The following EDA variants were observed in gnomAD, a reference collection of about 807,000 sequenced individuals.
EDA encodes the protein ectodysplasin A, also known as ectodysplasin-A.
In EDA, 2 loss-of-function variants were observed where a neutral mutation model predicts 23.6. The ratio of observed to expected loss-of-function variants is 0.08; its 90% CI spans 0.03 to 0.27. The LOEUF is 0.27. Among genes scored for constraint, EDA ranks in the 10% least tolerant of loss-of-function variants. EDA has a pLI of 1.00. For synonymous variants in EDA, 131 were observed against 132.0 expected, an observed-to-expected ratio of 0.99 and a Z score of 0.05; for missense variants, 229 against 324.2, an observed-to-expected ratio of 0.71 and a Z score of 2.26.
intron 1 of EDA, among the ~76,000 whole-genome samples, chrX:69,754,839 T>G (rs757189153): frequency 8.9e-6 from 1 of 112,285 alleles, no homozygotes; most frequent in South Asian, 3.7e-4. Flanking sequence ...TTCCATTTGA[T>G]CAAATCAGCT....
chrX:70,032,035 G>T (rs2020206288), intron 6 of EDA, among the ~76,000 whole-genome samples: 1 of 111,065 alleles, frequency 9.0e-6, no homozygotes, highest in South Asian at 3.8e-4. Context: ...GAGGCTGGCG[G>T]ATCACATGAG....
At chrX:69,802,134 A>T (rs982323160) in intron 1 of EDA, among the ~76,000 whole-genome samples, 2 of 110,841 alleles carry the variant, frequency 1.8e-5, no homozygotes, top group Non-Finnish European at 3.8e-5. Context: ...GGAATAAATA[A>T]ATTATGGTAT....
chrX:69,737,461 A>G (rs1189831616), intron 1 of EDA, among the ~76,000 whole-genome samples: 1 of 112,128 alleles, frequency 8.9e-6, no homozygotes, highest in Admixed American at 9.5e-5. Flanking sequence ...ATAATATCAT[A>G]CTACTTCACA....
At chrX:69,749,916 A>G (rs1358256482) in intron 1 of EDA, among the ~76,000 whole-genome samples, 2 of 41,517 alleles carry the variant, frequency 4.8e-5, no homozygotes, top group Admixed American at 2.2e-4. Context: ...TCCTCTCACT[A>G]AGGTTCTTTT....
At chrX:69,891,024 G>T (rs181235635) in intron 1 of EDA, among the ~76,000 whole-genome samples, 128 of 110,864 alleles carry the variant, frequency 1.2e-3, no homozygotes, top group African/African-American at 4.0e-3. Context: ...GCATCTGTAA[G>T]GAACTTAAAC....
At chrX:69,918,435 G>T (rs1022792123) in intron 1 of EDA, among the ~76,000 whole-genome samples, 2 of 111,685 alleles carry the variant, frequency 1.8e-5, no homozygotes, top group Non-Finnish European at 3.8e-5. Context: ...GGGATTACAG[G>T]TGTGAACCAC....
At chrX:69,710,889 T>A (rs2011987736) in intron 1 of EDA, among the ~76,000 whole-genome samples, 1 of 111,988 alleles carries the variant, frequency 8.9e-6, no homozygotes, top group South Asian at 3.7e-4. Flanking sequence ...AAGGAGATTT[T>A]GGGCTGAGAA....
intron 1 of EDA, among the ~76,000 whole-genome samples, chrX:69,770,812 A>G (rs777150777): frequency 1.6e-4 from 15 of 91,839 alleles, no homozygotes; most frequent in Non-Finnish European, 2.7e-4. Context: ...CTTAGATTCT[A>G]TTTGCTCATA....
At chrX:69,952,992 T>C (rs1328191409) in intron 1 of EDA, among the ~76,000 whole-genome samples, 1 of 111,567 alleles carries the variant, frequency 9.0e-6, no homozygotes, top group Non-Finnish European at 1.9e-5. Flanking sequence ...AGAAATAGCA[T>C]TGTGCTGAAT....
intron 1 of EDA, among the ~76,000 whole-genome samples, chrX:69,916,393 G>GTTTTTTTTT (rs2018343552): frequency 1.2e-5 from 1 of 81,270 alleles, no homozygotes; most frequent in Non-Finnish European, 2.4e-5. Context: ...AATCTCTACT[G>GTTTTTTTTT]TTCTTTTTTT....
chrX:69,782,916 G>A (rs2014998583), intron 1 of EDA, among the ~76,000 whole-genome samples: 1 of 111,865 alleles, frequency 8.9e-6, no homozygotes. Flanking sequence ...CACTTGTACT[G>A]CAGGATTACT....
At chrX:69,968,613 T>C (rs1307365348) in intron 2 of EDA, among the ~76,000 whole-genome samples, 1 of 112,085 alleles carries the variant, frequency 8.9e-6, no homozygotes, top group Non-Finnish European at 1.9e-5. Flanking sequence ...TTCTCTCCGC[T>C]AGCCTCCATA....
intron 1 of EDA, among the ~76,000 whole-genome samples, chrX:69,838,360 G>T (rs2016823909): frequency 8.8e-6 from 1 of 113,249 alleles, no homozygotes; most frequent in African/African-American, 3.2e-5. Flanking sequence ...GGGCGTGGTG[G>T]CTCACGCCTG....
chrX:69,879,357 T>A (rs2017705411), intron 1 of EDA, among the ~76,000 whole-genome samples: 1 of 112,072 alleles, frequency 8.9e-6, no homozygotes, highest in African/African-American at 3.2e-5. Flanking sequence ...TCAGCCATAG[T>A]GATAGGGCTT....
chrX:69,963,034 T>C (rs917391760), intron 2 of EDA, among the ~76,000 whole-genome samples: 5 of 111,871 alleles, frequency 4.5e-5, no homozygotes, highest in African/African-American at 1.6e-4. Context: ...GCTGTATATA[T>C]GTATCCCTTT....
At position 69,988,890 on chromosome X, in the gene EDA, T is replaced by G. The variant is rs2019543804; in HGVS notation, c.502+31758T>G. 3.6e-5 allele frequency among the ~76,000 whole-genome samples: 4 copies of G among 111,172 alleles called. No individual in the cohort carries two copies. In the South Asian group the frequency reaches 1.5e-3, roughly 43 times the overall value. On this transcript the variant is annotated intron_variant, in intron 2 of 7. Coordinates refer to ENST00000374552, the MANE Select transcript of EDA (RefSeq NM_001399.5). ...AAAAATTGTTTAATTTAAAATAAAA[T>G]AAAATAAAAATAAGGACTTTACTTT...
At chrX:69,856,126 A>G (rs1265863507) in intron 1 of EDA, among the ~76,000 whole-genome samples, 1 of 110,502 alleles carries the variant, frequency 9.0e-6, no homozygotes, top group Non-Finnish European at 1.9e-5. Flanking sequence ...CTCACTTATA[A>G]GTGAGAATAT....
At chrX:69,656,524 CA>C (rs376695644) in intron 1 of EDA, among the ~76,000 whole-genome samples, 4 of 111,558 alleles carry the variant, frequency 3.6e-5, no homozygotes, top group Admixed American at 9.6e-5. Flanking sequence ...ATTTTAGATT[CA>C]GGGGGGACAT....
intron 1 of EDA, among the ~76,000 whole-genome samples, chrX:69,755,148 G>A (rs2014061338): frequency 8.9e-6 from 1 of 111,789 alleles, no homozygotes; most frequent in Non-Finnish European, 1.9e-5. Flanking sequence ...CTGATTTTTA[G>A]AATTTTCATG....
Sources: gnomAD v4.1 joint callset for allele counts (sites outside exome capture counted in the v4.1 genomes callset) on GRCh38, gnomAD v4.1.1 for gene constraint, MANE v1.5 for transcripts, NCBI Gene and HGNC (gene_info 2026-07-23, HGNC 2026-07-21) for gene names.